Variants in TTN observed in about 807,000 individuals in gnomAD.
The protein encoded by TTN is connectin.
A neutral mutation model predicts 3,223.0 loss-of-function variants in TTN; 1,525 were observed. The ratio of observed to expected loss-of-function variants is 0.47; its 90% CI spans 0.45 to 0.49. The LOEUF (loss-of-function observed/expected upper bound fraction) is 0.49. Ranked by LOEUF, TTN falls within the 20% of genes least tolerant of loss-of-function variation. TTN has a pLI of 0.00. For synonymous variants in TTN, 14,094 were observed against 15,161.0 expected, an observed-to-expected ratio of 0.93 and a Z score of 5.17; for missense variants, 40,786 against 43,424.0, an observed-to-expected ratio of 0.94 and a Z score of 5.40.
Position 178,729,558 on chromosome 2 carries a change from TG to T in TTN, c.18597del (p.Thr6200ProfsTer6), listed in dbSNP as rs1321261103. ...CSIELKVKEP[P>X]TFIRELKPVE... ...ACAGGCTTCAGCTCTCTGATAAAGG[TG>T]GGGGGTTCTAAAGATTCAAAAGGAA... On this transcript the variant is annotated frameshift_variant, in exon 64 of 363. Transcript: ENST00000589042. LOFTEE classifies it high-confidence loss of function. 2 of 1,612,060 alleles carry T rather than the reference TG, an allele frequency of 1.2e-6. No individual in the cohort carries two copies. The highest frequency in any genetic ancestry group is 1.7e-6 in the Non-Finnish European group (2 of 1,178,918).
chr2:178,766,621 G>T lies in TTN; in HGVS notation c.9472-9C>A. On this transcript the variant is annotated splice_polypyrimidine_tract_variant and intron_variant, in intron 40 of 362. Coordinates refer to ENST00000589042, the MANE Select transcript of TTN (RefSeq NM_001267550.2). ...CGCTGTTTCTCAATGACCTGTTGAT[G>T]GAACAACATAAAAAAACAACAACAA... The T allele has an allele frequency of 6.2e-7, 1 of 1,605,852 alleles. No individual in the cohort carries two copies. Among genetic ancestry groups the T allele is most frequent in the Non-Finnish European group, 8.5e-7 (1 of 1,173,758 alleles).
In TTN at chr2:178,562,898, T is replaced by C; in HGVS notation, c.83234A>G (p.Asn27745Ser). The change falls in exon 326 of 363, where the codon AAT becomes AGT. Residue 27745 changes from asparagine (N) to serine (S), a missense_variant. Physicochemically the swap from Asn to Ser is conservative, Grantham distance 46. Coordinates refer to ENST00000589042, the MANE Select transcript of TTN (RefSeq NM_001267550.2). ...GCCACTATTATTTTCTAATGTCAGA[T>C]TATACCGACCACTGTCAAATCTGGT... is the stretch of plus-strand genomic sequence containing the variant. ...NVTRFDSGRYNLTLENNSGSK... is the reference protein window; with the variant it reads ...NVTRFDSGRYSLTLENNSGSK... 6.2e-7 allele frequency: 1 copy of C among 1,613,464 alleles called. No individual in the cohort carries two copies.
rs1250369056 is a variant in TTN at position 178,569,004 on chromosome 2, C to T, written c.77128G>A (p.Val25710Ile). 6 of 1,613,248 alleles carry T rather than the reference C, an allele frequency of 3.7e-6. No homozygotes were observed. In the Admixed American group the frequency reaches 8.3e-5, roughly 22 times the overall value. ...QPPGKITVDDVTRNSVSLSWT... is the reference protein window; with the variant it reads ...QPPGKITVDDITRNSVSLSWT... ...CTCAGAGAGACACTGTTTCTGGTGA[C>T]ATCATCCACAGTTATTTTTCCAGGA... Residue 25710 changes from valine to isoleucine, a missense_variant, in exon 326 of 363, where the codon GTC (valine) becomes ATC (isoleucine). Transcript: ENST00000589042.
chr2:178,765,668 T>C (rs996589908), intron 41 of TTN, among the ~76,000 whole-genome samples: 27 of 152,166 alleles, frequency 1.8e-4, no homozygotes, highest in African/African-American at 6.0e-4. Flanking sequence ...CAGGGGTATT[T>C]TATTCAAAGA....
rs368502650 is a variant in TTN, at chr2:178,618,622, T to C, written c.46928A>G (p.His15643Arg). 440 of 1,612,292 alleles carry C rather than the reference T, an allele frequency of 2.7e-4. No homozygotes were observed. Among genetic ancestry groups the C allele is most frequent in the Admixed American group, 3.7e-4 (22 of 59,874 alleles). Residue 15643 changes from histidine (H) to arginine (R), a missense_variant, in exon 251 of 363, where the codon CAT becomes CGT. By Grantham distance (29) the His-to-Arg change is conservative. Coordinates refer to ENST00000589042, the MANE Select transcript of TTN (RefSeq NM_001267550.2). ...ATTGATGAATCCTTCTGCTTTTCCA[T>C]GTTTGTTCTGAAGCACAATTTTATA... ...GRYKIVLQNK[H>R]GKAEGFINLK...
At chr2:178,748,832 G>A (rs146177677) in intron 47 of TTN, 1 of 1,612,030 alleles carries the variant, frequency 6.2e-7, no homozygotes, top group Admixed American at 1.7e-5. Flanking sequence ...AGATGAATCT[G>A]ATTCAGTATT....
chr2:178,591,733 G>T lies in TTN; in HGVS notation c.60086C>A (p.Thr20029Asn), dbSNP rs2050252504. The T allele has an allele frequency of 2.5e-6, 4 of 1,613,182 alleles. No individual in the cohort carries two copies. The highest frequency in any genetic ancestry group is 2.7e-5 in the African/African-American group (2 of 74,836). The change falls in exon 303 of 363, where the codon ACT becomes AAT. Residue 20029 changes from threonine to asparagine, a missense_variant. Thr to Asn is a moderately conservative substitution (Grantham distance 65, BLOSUM62 0). Coordinates refer to ENST00000589042, the MANE Select transcript of TTN (RefSeq NM_001267550.2). ...EGTQDWIKFK[T>N]VTNLECVVTG... is the part of the protein sequence containing the mutation. ...AACCACACACTCTAAGTTTGTCACA[G>T]TCTTAAATTTAATCCAGTCCTGGGT...
chr2:178,701,686 GC>G, intron 109 of TTN, 99 bp from the exon 110 acceptor site: 1 of 1,178,792 alleles, frequency 8.5e-7, no homozygotes, highest in Non-Finnish European at 1.2e-6. Flanking sequence ...GATATGTCAG[GC>G]ATATCTAATG....
Position 178,777,229 on chromosome 2 carries a change from T to C in TTN, c.4734A>G (p.Arg1578=), listed in dbSNP as rs2154346510. Residue 1578 remains arginine (R), a synonymous_variant, in exon 27 of 363, where the codon AGA becomes AGG. Coordinates refer to ENST00000589042, the MANE Select transcript of TTN (RefSeq NM_001267550.2). ...TGTCAGGGTTGGGGTTACCCGTAGC[T>C]CTGACTTTCATTTCAAGTCGGGAAC... ...KEGSRLEMKV[R]ATGNPNPDIV... 6.2e-7 allele frequency: 1 copy of C among 1,614,150 alleles called. No homozygotes were observed. Among genetic ancestry groups the C allele is most frequent in the Non-Finnish European group, 8.5e-7 (1 of 1,179,970 alleles).
chr2:178,580,497 A>G lies in TTN; in HGVS notation c.66882T>C (p.Thr22294=). ...TTAGATTGACATTTGGTTTAGACCA[A>G]GTAATCTTTGGAGGTGGGCGTCCTT... ...PVKGRPPPKI[T]WSKPNVNLRD... Residue 22294 remains threonine (T), a synonymous_variant, in exon 317 of 363, where the codon ACT becomes ACC. Coordinates refer to ENST00000589042, the MANE Select transcript of TTN (RefSeq NM_001267550.2). The G allele has an allele frequency of 6.2e-7, 1 of 1,613,004 alleles. No individual in the cohort carries two copies. The highest frequency in any genetic ancestry group is 8.5e-7 in the Non-Finnish European group (1 of 1,179,382).
At chr2:178,582,264 T>C in intron 314 of TTN, 32 bp downstream of exon 314, 1 of 1,574,720 alleles carries the variant, frequency 6.4e-7, no homozygotes, top group Non-Finnish European at 8.6e-7. Context: ...TTTTAAAAAA[T>C]AAAATGAAAA....
chr2:178,766,744 T>C (rs1165954020), intron 40 of TTN, 132 bp from the exon 41 acceptor site: 9 of 729,118 alleles, frequency 1.2e-5, no homozygotes, highest in South Asian at 5.0e-5. Context: ...ATGTAATAAG[T>C]TGGCTGATTA....
Position 178,757,636 on chromosome 2 carries a change from A to AT in TTN, c.10583dup (p.Asp3528GlufsTer17). 6.2e-7 allele frequency: 1 copy of AT among 1,613,796 alleles called. No homozygotes were observed. Among genetic ancestry groups the AT allele is most frequent in the Non-Finnish European group, 8.5e-7 (1 of 1,179,736 alleles). On this transcript the variant is annotated frameshift_variant, in exon 45 of 363. Coordinates refer to ENST00000589042, the MANE Select transcript of TTN (RefSeq NM_001267550.2). LOFTEE classifies it high-confidence loss of function. ...ACTGCCCAGCATGCTCTGAGTAAGC[A>AT]TCAACTATAAGCATTAAAGCCATGC...
intron 32 of TTN, 35 bp downstream of exon 32, chr2:178,773,427 T>G (rs1002492459): frequency 1.1e-5 from 18 of 1,613,832 alleles, no homozygotes; most frequent in Non-Finnish European, 1.5e-5. Context: ...GTAGAATGCT[T>G]AAAGTAATTA....
chr2:178,707,587 A>G lies in TTN; in HGVS notation c.28980T>C (p.Tyr9660=), dbSNP rs879122490. 7 of 1,613,890 alleles carry G rather than the reference A, an allele frequency of 4.3e-6. No homozygotes were observed. The highest frequency in any genetic ancestry group is 5.9e-6 in the Non-Finnish European group (7 of 1,179,822). Residue 9660 remains tyrosine, a synonymous_variant, in exon 100 of 363, where the codon TAT becomes TAC. Transcript: ENST00000589042. ...RDVAKADSGD[Y]VCKASNVAGS... Reference sequence around the variant, plus strand: ...CAGCCACATTTGAAGCTTTACACACATAATCTCCCGAATCTGCTTTAGCCA... The same window carrying G: ...CAGCCACATTTGAAGCTTTACACACGTAATCTCCCGAATCTGCTTTAGCCA...
chr2:178,679,354 G>T lies in TTN; in HGVS notation c.33727C>A (p.Pro11243Thr). ...VPVLIPKKEK[P>T]PPAKVPEVPK... ...AAGGATGTACCTTTTGCTGGCGGAGGCTTCTCCTTTTTAGGAATAAGCACA... is the reference window on the plus strand; with the variant it reads ...AAGGATGTACCTTTTGCTGGCGGAGTCTTCTCCTTTTTAGGAATAAGCACA... The change falls in exon 142 of 363, where the codon CCT (proline) becomes ACT (threonine). Residue 11243 changes from proline (P) to threonine (T), a missense_variant. By Grantham distance (38) the Pro-to-Thr change is conservative. Coordinates refer to ENST00000589042, the MANE Select transcript of TTN (RefSeq NM_001267550.2). 2 of 1,612,526 alleles carry T rather than the reference G, an allele frequency of 1.2e-6. No homozygotes were observed. Among genetic ancestry groups the T allele is most frequent in the South Asian group, 1.1e-5 (1 of 91,018 alleles).
rs1003049715 is a variant in TTN, at chr2:178,724,385, C to A, written c.20990G>T (p.Ser6997Ile). The change falls in exon 72 of 363, where the codon AGC (serine) becomes ATC (isoleucine). Residue 6997 changes from serine to isoleucine, a missense_variant. By Grantham distance (142) the Ser-to-Ile change is moderately radical. Transcript: ENST00000589042. ...TAAGGAAGAGATTTTGTTGTAGAAGCTAAATTTGTGTTTTTGGCTGCTGGT... is the reference window on the plus strand; with the variant it reads ...TAAGGAAGAGATTTTGTTGTAGAAGATAAATTTGTGTTTTTGGCTGCTGGT... Reference protein sequence around the residue: ...LLTSSQKHKFSFYNKISSLRI... With the variant: ...LLTSSQKHKFIFYNKISSLRI... The A allele has an allele frequency of 3.1e-6, 5 of 1,613,536 alleles. No homozygotes were observed. In the East Asian group the frequency reaches 1.1e-4, roughly 36 times the overall value.
Position 178,549,484 on chromosome 2 carries a change from AAAAC to A in TTN, c.92153-15_92153-12del, listed in dbSNP as rs1301962559. On this transcript the variant is annotated splice_polypyrimidine_tract_variant and intron_variant, in intron 338 of 362. Transcript: ENST00000589042. ...GGGCATCAGGAACAGCTGTAAAACA[AAAAC>A]AAAACCCCAAATCAATTAGATGCAT... 2.5e-6 allele frequency: 4 copies of A among 1,596,224 alleles called. No homozygotes were observed. Among genetic ancestry groups the A allele is most frequent in the African/African-American group, 2.7e-5 (2 of 74,168 alleles).
intron 210 of TTN, 34 bp downstream of exon 210, chr2:178,650,130 T>A (rs1431816443): frequency 6.6e-7 from 1 of 1,523,258 alleles, no homozygotes. Context: ...ATGAAATGAC[T>A]GTATTTTCCC....
Sources: allele counts gnomAD v4.1 joint callset (sites outside exome capture counted in the v4.1 genomes callset), GRCh38; gene constraint gnomAD v4.1.1; transcripts MANE v1.5; gene names NCBI Gene and HGNC (gene_info 2026-07-23, HGNC 2026-07-21).